The following BMP6 variants were observed in gnomAD, a reference collection of about 807,000 sequenced individuals.
BMP6 encodes bone morphogenetic protein 6.
In BMP6, 17 loss-of-function variants were observed where a neutral mutation model predicts 54.1. That is an observed-to-expected ratio of 0.31 (90% confidence interval 0.22 to 0.47). The LOEUF (loss-of-function observed/expected upper bound fraction) is 0.47, where lower values mean the gene tolerates loss of function less well. Ranked by LOEUF, BMP6 falls within the 20% of genes least tolerant of loss-of-function variation. The pLI is 1.00. For missense variants in BMP6, 720 were observed against 690.4 expected (o/e 1.04, Z -0.48); for synonymous variants, 328 against 291.2 (o/e 1.13, Z -1.28).
intron 1 of BMP6, among the ~76,000 whole-genome samples, chr6:7,779,340 T>A (rs1378753125): frequency 6.6e-6 from 1 of 152,082 alleles, no homozygotes; most frequent in African/African-American, 2.4e-5. Flanking sequence ...ATTTTTTTTT[T>A]TAAATTTCTT....
At chr6:7,755,354 A>G (rs1469724842) in intron 1 of BMP6, among the ~76,000 whole-genome samples, 1 of 151,810 alleles carries the variant, frequency 6.6e-6, no homozygotes, top group Non-Finnish European at 1.5e-5. Flanking sequence ...ATTTATTTTT[A>G]GTAGTTGCTC....
rs111446744 is a variant in BMP6, at chr6:7,768,017, C to T, written c.664+40398C>T. Among the ~76,000 whole-genome samples the T allele has an allele frequency of 3.4e-3, 513 of 152,076 alleles. 6 individuals carry two copies. The highest frequency in any genetic ancestry group is 0.011 in the African/African-American group (476 of 41,486). ...AGTGGGTCTCAGGTTTTTTTCTCCC[C>T]GCTTGGGTGGGACAGGATGGCTGGA... On this transcript the variant is annotated intron_variant, in intron 1 of 6. Coordinates refer to ENST00000283147, the MANE Select transcript of BMP6 (RefSeq NM_001718.6).
chr6:7,879,631 T>C (rs1307473307), intron 5 of BMP6, among the ~76,000 whole-genome samples: 1 of 152,106 alleles, frequency 6.6e-6, no homozygotes, highest in Non-Finnish European at 1.5e-5. Flanking sequence ...TAATCACAGG[T>C]GGTGAGCGAT....
intron 1 of BMP6, among the ~76,000 whole-genome samples, chr6:7,807,141 G>C (rs1758357830): frequency 6.6e-6 from 1 of 152,162 alleles, no homozygotes; most frequent in Non-Finnish European, 1.5e-5. Flanking sequence ...TTATGATTGT[G>C]GTCGGGGAAG....
At chr6:7,728,861 GGA>G (rs1271511912) in intron 1 of BMP6, among the ~76,000 whole-genome samples, 1 of 152,194 alleles carries the variant, frequency 6.6e-6, no homozygotes, top group African/African-American at 2.4e-5. Context: ...ATTACTTACT[GGA>G]ATGATTCCCG....
At chr6:7,861,699 C>T in intron 3 of BMP6, 100 bp downstream of exon 3, 2 of 1,503,448 alleles carry the variant, frequency 1.3e-6, no homozygotes, top group Non-Finnish European at 1.8e-6. Context: ...CAGGCAAGTC[C>T]TCAGCTTCAG....
At chr6:7,823,278 C>T (rs1022339580) in intron 1 of BMP6, among the ~76,000 whole-genome samples, 1 of 152,194 alleles carries the variant, frequency 6.6e-6, no homozygotes, top group African/African-American at 2.4e-5. Flanking sequence ...TGTACTGATA[C>T]TTCTTGAAAT....
chr6:7,810,127 T>G (rs150630611), intron 1 of BMP6, among the ~76,000 whole-genome samples: 17 of 152,332 alleles, frequency 1.1e-4, no homozygotes, highest in African/African-American at 4.1e-4. Context: ...GGGAAAATTT[T>G]TTAAAGTCAT....
intron 1 of BMP6, among the ~76,000 whole-genome samples, chr6:7,802,215 A>G (rs1306124378): frequency 2.6e-5 from 4 of 152,200 alleles, no homozygotes; most frequent in Non-Finnish European, 5.9e-5. Flanking sequence ...AAGCTTACAG[A>G]TATTTTGGAT....
intron 1 of BMP6, among the ~76,000 whole-genome samples, chr6:7,775,757 T>G (rs1757853404): frequency 6.6e-6 from 1 of 152,210 alleles, no homozygotes; most frequent in African/African-American, 2.4e-5. Context: ...AGGTTAGTTC[T>G]TCTTGATTGT....
intron 1 of BMP6, among the ~76,000 whole-genome samples, chr6:7,816,902 G>A (rs144992060): frequency 1.6e-4 from 25 of 152,136 alleles, no homozygotes; most frequent in East Asian, 5.8e-4. Flanking sequence ...TTAGCTGGTC[G>A]TTCTTTTTTA....
chr6:7,730,056 T>C (rs981631286), intron 1 of BMP6, among the ~76,000 whole-genome samples: 1 of 152,330 alleles, frequency 6.6e-6, no homozygotes, highest in Admixed American at 6.5e-5. Context: ...TGGAAACCAC[T>C]GCCTTAGATG....
chr6:7,786,603 C>G (rs1469852662), intron 1 of BMP6, among the ~76,000 whole-genome samples: 2 of 151,974 alleles, frequency 1.3e-5, no homozygotes, highest in African/African-American at 4.8e-5. Flanking sequence ...GGCAGGCCAT[C>G]GACTTAGCTG....
chr6:7,838,738 C>T (rs933034296), intron 1 of BMP6, among the ~76,000 whole-genome samples: 5 of 152,076 alleles, frequency 3.3e-5, no homozygotes, highest in African/African-American at 1.2e-4. Flanking sequence ...GTCAGGAGAT[C>T]GAGACCATCC....
intron 1 of BMP6, among the ~76,000 whole-genome samples, chr6:7,830,275 C>G (rs1758774703): frequency 6.6e-6 from 1 of 152,174 alleles, no homozygotes; most frequent in Non-Finnish European, 1.5e-5. Context: ...CTGTCTATTT[C>G]TCCTTCTCTT....
intron 1 of BMP6, among the ~76,000 whole-genome samples, chr6:7,728,618 C>T (rs980851723): frequency 6.6e-6 from 1 of 152,168 alleles, no homozygotes; most frequent in African/African-American, 2.4e-5. Flanking sequence ...CATTCATAAG[C>T]TGACTTAGTT....
chr6:7,735,957 G>A (rs996049477), intron 1 of BMP6, among the ~76,000 whole-genome samples: 4 of 152,272 alleles, frequency 2.6e-5, no homozygotes, highest in East Asian at 1.9e-4. Flanking sequence ...TTCAAAATAC[G>A]CAGAGTTCGG....
chr6:7,816,444 A>G (rs1263009251), intron 1 of BMP6, among the ~76,000 whole-genome samples: 1 of 152,180 alleles, frequency 6.6e-6, no homozygotes. Flanking sequence ...GGTCTGTGTG[A>G]CCACAAATGC....
intron 4 of BMP6, among the ~76,000 whole-genome samples, chr6:7,870,946 G>A (rs1759514765): frequency 1.3e-5 from 2 of 152,190 alleles, no homozygotes; most frequent in Non-Finnish European, 2.9e-5. Context: ...GATCTTTAGA[G>A]TTCATCTCCA....
Sources: gnomAD v4.1 joint callset for allele counts (sites outside exome capture counted in the v4.1 genomes callset) on GRCh38, gnomAD v4.1.1 for gene constraint, MANE v1.5 for transcripts, NCBI Gene and HGNC (gene_info 2026-07-23, HGNC 2026-07-21) for gene names.